TAFA2: variants seen among roughly 807,000 people sequenced by gnomAD.
TAFA2 encodes the protein TAFA chemokine like family member 2.
A neutral mutation model predicts 18.8 loss-of-function variants in TAFA2; 7 were observed. That is an observed-to-expected ratio of 0.37 (90% CI 0.21 to 0.70). The LOEUF (loss-of-function observed/expected upper bound fraction) is 0.70. TAFA2 is among the 30% of genes least tolerant of loss of function. The pLI, the probability that TAFA2 is intolerant of heterozygous loss-of-function variation, is 0.53. For synonymous variants in TAFA2, 60 were observed against 54.2 expected, an observed-to-expected ratio of 1.11 and a Z score of -0.47; for missense variants, 122 against 158.1, an observed-to-expected ratio of 0.77 and a Z score of 1.23.
intron 1 of TAFA2, among the ~76,000 whole-genome samples, chr12:62,082,399 T>C (rs1043541382): frequency 2.6e-5 from 4 of 152,218 alleles, no homozygotes; most frequent in African/African-American, 9.6e-5. Context: ...AATGCTCCTT[T>C]CATCTTTAGT....
chr12:61,949,996 C>T (rs927886919), intron 1 of TAFA2, among the ~76,000 whole-genome samples: 1 of 152,126 alleles, frequency 6.6e-6, no homozygotes, highest in African/African-American at 2.4e-5. Context: ...TTGGATACTT[C>T]ATATAAGTGG....
chr12:61,840,606 G>GCAGA (rs1481406544), intron 2 of TAFA2, among the ~76,000 whole-genome samples: 1 of 151,962 alleles, frequency 6.6e-6, no homozygotes, highest in African/African-American at 2.4e-5. Context: ...TTGAGAGATG[G>GCAGA]CAGAATAAAT....
intron 2 of TAFA2, among the ~76,000 whole-genome samples, chr12:61,825,832 C>A (rs1036038191): frequency 5.3e-5 from 8 of 151,874 alleles, no homozygotes; most frequent in African/African-American, 1.9e-4. Context: ...CACACATGCC[C>A]CTTTGAATAT....
chr12:62,157,442 G>A (rs2062378094), intron 1 of TAFA2, among the ~76,000 whole-genome samples: 1 of 152,164 alleles, frequency 6.6e-6, no homozygotes, highest in South Asian at 2.1e-4. Flanking sequence ...CATGCATGGT[G>A]TCAGAGTAGT....
intron 1 of TAFA2, among the ~76,000 whole-genome samples, chr12:62,007,243 G>A (rs779911498): frequency 1.3e-5 from 2 of 152,094 alleles, no homozygotes; most frequent in African/African-American, 2.4e-5. Context: ...ACACAGCCTC[G>A]TCTTACAGCT....
At chr12:62,062,969 T>C (rs1052113318) in intron 1 of TAFA2, among the ~76,000 whole-genome samples, 1 of 152,084 alleles carries the variant, frequency 6.6e-6, no homozygotes, top group African/African-American at 2.4e-5. Context: ...TCTTTCTGTC[T>C]TATCTCTCTG....
chr12:62,058,942 A>T (rs1259024222), intron 1 of TAFA2, among the ~76,000 whole-genome samples: 3 of 152,230 alleles, frequency 2.0e-5, no homozygotes, highest in African/African-American at 7.2e-5. Flanking sequence ...TCTCTACTAA[A>T]AATACAAAAA....
intron 2 of TAFA2, among the ~76,000 whole-genome samples, chr12:61,795,284 T>G (rs1024476828): frequency 2.6e-5 from 4 of 152,158 alleles, no homozygotes; most frequent in African/African-American, 9.7e-5. Flanking sequence ...TGCACACGTA[T>G]GTTTATTGCG....
intron 1 of TAFA2, among the ~76,000 whole-genome samples, chr12:61,996,402 G>C (rs554786655): frequency 6.6e-6 from 1 of 152,266 alleles, no homozygotes; most frequent in African/African-American, 2.4e-5. Context: ...CTTCACCTCA[G>C]CTTTCTACCA....
intron 1 of TAFA2, among the ~76,000 whole-genome samples, chr12:61,896,111 A>T (rs1875831463): frequency 6.6e-6 from 1 of 152,148 alleles, no homozygotes; most frequent in Non-Finnish European, 1.5e-5. Context: ...CCAAAGGGTG[A>T]TGGGTCAGCA....
chr12:62,069,768 A>T (rs17125833), intron 1 of TAFA2, among the ~76,000 whole-genome samples: 1 of 152,206 alleles, frequency 6.6e-6, no homozygotes. Flanking sequence ...AGAACAACAC[A>T]ATAGTGACCA....
chr12:62,243,986 C>T (rs11174395), intron 1 of TAFA2, among the ~76,000 whole-genome samples: 9,567 of 152,042 alleles, frequency 0.063, 400 homozygotes, highest in Non-Finnish European at 0.096. Flanking sequence ...TGCAGGGTCT[C>T]ACTATGTTGC....
intron 1 of TAFA2, among the ~76,000 whole-genome samples, chr12:62,119,614 G>T (rs776770155): frequency 6.6e-6 from 1 of 152,066 alleles, no homozygotes; most frequent in Non-Finnish European, 1.5e-5. Context: ...TCTTTTGAAC[G>T]CTGCTTTAAA....
At chr12:61,927,068 T>C (rs1320023903) in intron 1 of TAFA2, among the ~76,000 whole-genome samples, 1 of 71,306 alleles carries the variant, frequency 1.4e-5, no homozygotes, top group Non-Finnish European at 2.4e-5. Flanking sequence ...AGTGAGACTC[T>C]GAAAAAAAAA....
chr12:61,943,463 T>A (rs1196048864), intron 1 of TAFA2, among the ~76,000 whole-genome samples: 1 of 146,232 alleles, frequency 6.8e-6, no homozygotes, highest in Non-Finnish European at 1.5e-5. Flanking sequence ...ATATTAACTT[T>A]AAATGTAAAT....
rs552117010 is a variant in TAFA2, at chr12:61,840,394, AG to A, written c.106+26925del. Among the ~76,000 whole-genome samples the A allele has an allele frequency of 5.3e-5, 8 of 152,186 alleles. No individual in the cohort carries two copies. The South Asian group carries it at 8.3e-4, about 16-fold the overall frequency. On this transcript the variant is annotated intron_variant, in intron 2 of 4. Transcript: ENST00000416284. ...CCAGTCAGTTTGACTGACACAAGGA[AG>A]CAAATTATTATATTTTAAAACTTCT...
chr12:61,754,754 A>T lies in TAFA2; in HGVS notation c.259+118T>A, dbSNP rs989576912. On this transcript the variant is annotated intron_variant, in intron 3 of 4. Transcript: ENST00000416284. ...CCAAATATTCTAGTTTCAACTTATC[A>T]TGGTATTTGTAGTATGTTCACCCAG... The T allele has an allele frequency of 2.6e-5, 25 of 968,484 alleles. No homozygotes were observed. The Admixed American group carries it at 7.2e-4, about 28-fold the overall frequency. The allele number at this position is 968,484 out of a possible 1,614,324, so 60.0% of individuals were successfully genotyped here.
intron 4 of TAFA2, chr12:61,720,891 C>T (rs759761953): frequency 1.9e-6 from 1 of 517,246 alleles, no homozygotes; most frequent in African/African-American, 1.9e-5. Flanking sequence ...CTTTCTACTT[C>T]TCCATTCGAA....
At chr12:62,022,629 A>G (rs571690916) in intron 1 of TAFA2, among the ~76,000 whole-genome samples, 1 of 152,102 alleles carries the variant, frequency 6.6e-6, no homozygotes, top group Admixed American at 6.6e-5. Context: ...TACTTAAAAT[A>G]ATGTAATTAG....
Sources: gnomAD v4.1 joint callset for allele counts (sites outside exome capture counted in the v4.1 genomes callset) on GRCh38, gnomAD v4.1.1 for gene constraint, MANE v1.5 for transcripts, NCBI Gene and HGNC (gene_info 2026-07-23, HGNC 2026-07-21) for gene names.